The following PTCH2 variants were observed in gnomAD, a reference collection of about 807,000 sequenced individuals.
The protein encoded by PTCH2 is protein patched homolog 2.
Under a neutral mutation model 117.9 loss-of-function variants are expected in PTCH2, and 96 were observed. The ratio of observed to expected loss-of-function variants is 0.81; its 90% CI spans 0.69 to 0.96. PTCH2 has a LOEUF of 0.96. Ranked by LOEUF, PTCH2 falls within the 50% of genes least tolerant of loss-of-function variation. The pLI is 0.00. For missense variants in PTCH2, 1,379 were observed against 1,562.5 expected (o/e 0.88, Z 1.98); for synonymous variants, 615 against 660.9 (o/e 0.93, Z 1.06).
At chr1:44,839,588 G>C (rs931391014) in intron 2 of PTCH2, among the ~76,000 whole-genome samples, 3 of 152,102 alleles carry the variant, frequency 2.0e-5, no homozygotes, top group Admixed American at 2.0e-4. Flanking sequence ...GGCTCAAGCA[G>C]TGTTTAGATG....
In PTCH2 at chr1:44,829,641, T is replaced by C. The variant is rs759848607; in HGVS notation, c.1056A>G (p.Leu352=). The change falls in exon 8 of 22, where the codon CTA becomes CTG. Residue 352 remains leucine (L), a synonymous_variant. Transcript: ENST00000372192. ...GCACAAAGCGCCGCTGCCAGGCTTG[T>C]AGCACTGTGCTGGCCTGCTCCTCAC... The part of the protein sequence containing the change: ...GWSEEQASTV[L]QAWQRRFVQL... 1 of 1,614,196 alleles carries C rather than the reference T, an allele frequency of 6.2e-7. No individual in the cohort carries two copies. Among genetic ancestry groups the C allele is most frequent in the Non-Finnish European group, 8.5e-7 (1 of 1,180,042 alleles).
chr1:44,827,315 G>C lies in PTCH2; in HGVS notation c.2372-6C>G, dbSNP rs556400530. The stretch of plus-strand genomic sequence containing the variant: ...GTCAAAGGCAGCCTGGATTCCTGGG[G>C]GAGACCAGGATAGGGTTCTATTAGC... On this transcript the variant is annotated splice_region_variant and splice_polypyrimidine_tract_variant and intron_variant, in intron 15 of 21. Coordinates refer to ENST00000372192, the MANE Select transcript of PTCH2 (RefSeq NM_003738.5). The C allele has an allele frequency of 1.9e-6, 3 of 1,613,818 alleles. No homozygotes were observed. In the South Asian group the frequency reaches 3.3e-5, roughly 18 times the overall value.
chr1:44,830,767 A>G, intron 6 of PTCH2, 81 bp downstream of exon 6: 3 of 1,400,640 alleles, frequency 2.1e-6, no homozygotes, highest in South Asian at 3.0e-5. Flanking sequence ...CAGAGCAGTC[A>G]GCTCCCCCAG....
rs1653294313 is a variant in PTCH2, at chr1:44,828,990, G to T, written c.1456C>A (p.Pro486Thr). The change falls in exon 11 of 22, where the codon CCT becomes ACT. Residue 486 changes from proline (P) to threonine (T), a missense_variant. Transcript: ENST00000372192. ...HAFTEALPGT[P>T]LQERMGECLQ... is the part of the protein sequence containing the mutation. ...GGGGGACAAGGCCCCACCTGGAGAGGGGTGCCAGGCAGAGCCTCTGTGAAG... is the reference window on the plus strand; with the variant it reads ...GGGGGACAAGGCCCCACCTGGAGAGTGGTGCCAGGCAGAGCCTCTGTGAAG... 1 of 1,557,764 alleles carries T rather than the reference G, an allele frequency of 6.4e-7. No homozygotes were observed. The highest frequency in any genetic ancestry group is 8.7e-7 in the Non-Finnish European group (1 of 1,150,402).
At chr1:44,821,746 T>C (rs1652921536), downstream of PTCH2, 1 of 1,261,466 alleles carries the variant, frequency 7.9e-7, no homozygotes, top group African/African-American at 1.6e-5. Flanking sequence ...GTTATCGTTT[T>C]GTATAGTAAG....
Position 44,824,454 on chromosome 1 carries a change from G to A in PTCH2, c.3115-1069C>T, listed in dbSNP as rs74226378. Among the ~76,000 whole-genome samples, 80 of 151,326 alleles carry A rather than the reference G, an allele frequency of 5.3e-4. No homozygotes were observed. In the East Asian group the frequency reaches 0.012, roughly 23 times the overall value. On this transcript the variant is annotated intron_variant, in intron 19 of 21. Coordinates refer to ENST00000372192, the MANE Select transcript of PTCH2 (RefSeq NM_003738.5). ...GCATCTCTGTATCTCTGGTATCTTT[G>A]TAGAACCCCTCCATTAAGCCCACAT...
intron 19 of PTCH2, among the ~76,000 whole-genome samples, chr1:44,824,524 A>ATTATTTTT: frequency 6.9e-6 from 1 of 145,730 alleles, no homozygotes; most frequent in Non-Finnish European, 1.5e-5. Context: ...TTGAGACAGG[A>ATTATTTTT]TCTTACTGTG....
rs762788602 is a variant in PTCH2, at chr1:44,830,813, AC to A, written c.813+34del. On this transcript the variant is annotated intron_variant, in intron 6 of 21. Transcript: ENST00000372192. Reference sequence around the variant, plus strand: ...TATGAGGAAGGGAAAGGGAAGGAAAACAGCCTTTCCCTGGCAGACCTGGTTG... The same window carrying A: ...TATGAGGAAGGGAAAGGGAAGGAAAAAGCCTTTCCCTGGCAGACCTGGTTG... 1.1e-5 allele frequency: 16 copies of A among 1,507,220 alleles called. No individual in the cohort carries two copies. The South Asian group carries it at 2.0e-4, about 19-fold the overall frequency. 93.4% of individuals were successfully genotyped at this position (1,507,220 alleles called of 1,614,324 possible). A position where few individuals can be genotyped will look rare whatever the true frequency, so the allele number is the denominator to read the frequency against.
chr1:44,821,119 G>A (rs868189050), downstream of PTCH2, among the ~76,000 whole-genome samples: 1 of 152,116 alleles, frequency 6.6e-6, no homozygotes, highest in Non-Finnish European at 1.5e-5. Context: ...GTGAGTGGGT[G>A]GTTGGAGCCC....
At chr1:44,840,180 G>A (rs1653882171) in intron 2 of PTCH2, among the ~76,000 whole-genome samples, 1 of 148,202 alleles carries the variant, frequency 6.7e-6, no homozygotes, top group African/African-American at 2.5e-5. Context: ...TTGGCTCACT[G>A]CAACCTCCGC....
downstream of PTCH2, chr1:44,819,896 A>T (rs530255931): frequency 6.5e-6 from 1 of 153,260 alleles, no homozygotes; most frequent in Non-Finnish European, 1.5e-5. Context: ...CTCAGGAAAT[A>T]AGAGGCCTCA....
At position 44,828,524 on chromosome 1, in the gene PTCH2, C is replaced by A. The variant is rs747688358; in HGVS notation, c.1572G>T (p.Leu524=). The change falls in exon 12 of 22, where the codon CTG becomes CTT. Residue 524 remains leucine, a synonymous_variant. Coordinates refer to ENST00000372192, the MANE Select transcript of PTCH2 (RefSeq NM_003738.5). ...LMAALVPIPA[L]RAFSLQAAIV... is the part of the protein sequence containing the mutation. Reference sequence around the variant, plus strand: ...GCCTCACCTGTAGGGAGAAGGCTCGCAGCGCAGGGATGGGAACGAGGGCAG... The same window carrying A: ...GCCTCACCTGTAGGGAGAAGGCTCGAAGCGCAGGGATGGGAACGAGGGCAG... The A allele has an allele frequency of 6.2e-7, 1 of 1,614,158 alleles. No individual in the cohort carries two copies. The highest frequency in any genetic ancestry group is 1.1e-5 in the South Asian group (1 of 91,082).
downstream of PTCH2, chr1:44,820,617 G>GACC: frequency 5.8e-6 from 4 of 695,612 alleles, no homozygotes; most frequent in South Asian, 6.1e-5. Context: ...GGGACCCGAA[G>GACC]ACCAATTCAG....
chr1:44,822,437 C>A lies in PTCH2; in HGVS notation c.3590G>T (p.Gly1197Val). Residue 1197 changes from glycine to valine, a missense_variant, in exon 22 of 22, where the codon GGA (glycine) becomes GTA (valine). Transcript: ENST00000372192. ...CTTTCACCCAGTGGCTGGACCTGGT[C>A]CCCTGGAACTGAGGTTGCCAGAGCT... ...ATSSGNLSSR[G>V]PGPATG The A allele has an allele frequency of 6.2e-7, 1 of 1,613,838 alleles. No homozygotes were observed. Among genetic ancestry groups the A allele is most frequent in the Non-Finnish European group, 8.5e-7 (1 of 1,180,030 alleles).
chr1:44,826,631 A>T lies in PTCH2; in HGVS notation c.2833T>A (p.Tyr945Asn). The T allele has an allele frequency of 6.2e-7, 1 of 1,613,048 alleles. No individual in the cohort carries two copies. ...AAGAGGAAGGGGGAGCCGCTGGGGT[A>T]GGCGTGCACCCCAGCCTGGCCGGCC... ...AEAGQAGVHA[Y>N]PSGSPFLFWE... The change falls in exon 18 of 22, where the codon TAC (tyrosine) becomes AAC (asparagine). Residue 945 changes from tyrosine (Y) to asparagine (N), a missense_variant. Transcript: ENST00000372192. The surrounding 1 kb of genome is among the most constrained non-coding windows in gnomAD (Gnocchi z 5.1).
chr1:44,827,582 G>C lies in PTCH2; in HGVS notation c.2191C>G (p.Leu731Val). ...ACCTCGTACAGGGAGAAGTACCTGAGCTGGGCGCTCAGGAAGGCATGCTCC... is the reference window on the plus strand; with the variant it reads ...ACCTCGTACAGGGAGAAGTACCTGACCTGGGCGCTCAGGAAGGCATGCTCC... ...TKEHAFLSAQ[L>V]RYFSLYEVAL... Residue 731 changes from leucine to valine, a missense_variant, in exon 15 of 22, where the codon CTC (leucine) becomes GTC (valine). By Grantham distance (32) the Leu-to-Val change is conservative (BLOSUM62 1). Coordinates refer to ENST00000372192, the MANE Select transcript of PTCH2 (RefSeq NM_003738.5). 1 of 1,614,126 alleles carries C rather than the reference G, an allele frequency of 6.2e-7. No individual in the cohort carries two copies. Among genetic ancestry groups the C allele is most frequent in the Non-Finnish European group, 8.5e-7 (1 of 1,180,036 alleles).
chr1:44,842,889 G>T lies in PTCH2; in HGVS notation c.44C>A (p.Thr15Lys), dbSNP rs561781541. The T allele has an allele frequency of 6.4e-7, 1 of 1,550,478 alleles. No homozygotes were observed. Among genetic ancestry groups the T allele is most frequent in the African/African-American group, 1.4e-5 (1 of 72,978 alleles). The part of the protein sequence containing the change: ...PPLRELPPSY[T>K]PPARTAAPQI... ...GGGTGCTGCGGTTCGAGCTGGGGGTGTGTAACTCGGGGGCAGCTCTCTGAG... is the reference window on the plus strand; with the variant it reads ...GGGTGCTGCGGTTCGAGCTGGGGGTTTGTAACTCGGGGGCAGCTCTCTGAG... Residue 15 changes from threonine to lysine, a missense_variant, in exon 1 of 22, where the codon ACA becomes AAA. By Grantham distance (78) the Thr-to-Lys change is moderately conservative. Transcript: ENST00000372192.
Position 44,828,495 on chromosome 1 carries a change from A to G in PTCH2, c.1590+11T>C, listed in dbSNP as rs1371251728. On this transcript the variant is annotated intron_variant, in intron 12 of 21. Coordinates refer to ENST00000372192, the MANE Select transcript of PTCH2 (RefSeq NM_003738.5). The stretch of plus-strand genomic sequence containing the variant: ...CACCCACCCTGAGCTGCCCCGTGTG[A>G]GAGGCCTCACCTGTAGGGAGAAGGC... 2.0e-5 allele frequency: 33 copies of G among 1,614,052 alleles called. No individual in the cohort carries two copies. Among genetic ancestry groups the G allele is most frequent in the Non-Finnish European group, 2.8e-5 (33 of 1,180,030 alleles).
At chr1:44,838,344 C>G (rs1225426744) in intron 2 of PTCH2, among the ~76,000 whole-genome samples, 2 of 152,146 alleles carry the variant, frequency 1.3e-5, no homozygotes, top group Non-Finnish European at 2.9e-5. Flanking sequence ...CGGGTTCAAG[C>G]GATTCTCCTG....
Sources: gnomAD v4.1 joint callset for allele counts (sites outside exome capture counted in the v4.1 genomes callset) on GRCh38, gnomAD v4.1.1 for gene constraint, Gnocchi (gnomAD v3.1) non-coding constraint, MANE v1.5 for transcripts, NCBI Gene and HGNC (gene_info 2026-07-23, HGNC 2026-07-21) for gene names.